Variants in STXBP3 observed in about 807,000 individuals in gnomAD.
The protein encoded by STXBP3 is syntaxin-binding protein 3.
A neutral mutation model predicts 85.7 loss-of-function variants in STXBP3; 41 were observed. The observed-to-expected ratio is 0.48, with a 90% confidence interval of 0.37 to 0.62. The LOEUF is 0.62. Ranked by LOEUF, STXBP3 falls within the 20% of genes least tolerant of loss-of-function variation. The pLI is 0.00. For synonymous variants in STXBP3, 229 were observed against 231.7 expected (o/e 0.99, Z 0.10); for missense variants, 563 against 703.1 (o/e 0.80, Z 2.25).
chr1:108,753,272 G>T, intron 3 of STXBP3, 128 bp downstream of exon 3: 2 of 553,542 alleles, frequency 3.6e-6, no homozygotes, highest in Non-Finnish European at 5.9e-6. Context: ...ATAACTATTA[G>T]ATTTAACATT....
Position 108,782,828 on chromosome 1 carries a change from G to T in STXBP3, c.963+122G>T, listed in dbSNP as rs1417225390. 2.9e-5 allele frequency: 23 copies of T among 786,244 alleles called. No individual in the cohort carries two copies. In the Middle Eastern group the frequency reaches 1.1e-3, roughly 39 times the overall value. 48.7% of individuals were successfully genotyped at this position (786,244 alleles called of 1,614,324 possible). On this transcript the variant is annotated intron_variant, in intron 11 of 18. Transcript: ENST00000370008. ...AAGTTCTAACATGGAGGTAGAGAATGAACTCCTACGTACCCATTGCCTAGT... is the reference window on the plus strand; with the variant it reads ...AAGTTCTAACATGGAGGTAGAGAATTAACTCCTACGTACCCATTGCCTAGT...
In STXBP3 at chr1:108,771,964, CA is replaced by C. The variant is rs1662452747; in HGVS notation, c.439-700del. On this transcript the variant is annotated intron_variant, in intron 6 of 18. Coordinates refer to ENST00000370008, the MANE Select transcript of STXBP3 (RefSeq NM_007269.4). ...ATATAAATACATATGATATCTGTAT[CA>C]TATATAAATACATATGATATCTGTA... Among the ~76,000 whole-genome samples, 2 of 8,988 alleles carry C rather than the reference CA, an allele frequency of 2.2e-4. 1 individual carries two copies. The highest frequency in any genetic ancestry group is 3.4e-4 in the Non-Finnish European group (2 of 5,900). 5.9% of individuals were successfully genotyped at this position (8,988 alleles called of 152,430 possible).
At chr1:108,774,560 C>T (rs74727654) in intron 7 of STXBP3, among the ~76,000 whole-genome samples, 7,309 of 151,716 alleles carry the variant, frequency 0.048, 218 homozygotes, top group Admixed American at 0.07. Context: ...ATTAAGTTAT[C>T]TCCTTAATTC....
At position 108,760,145 on chromosome 1, in the gene STXBP3, T is replaced by C. The variant is rs1662106402; in HGVS notation, c.438+60T>C. The C allele has an allele frequency of 6.3e-6, 6 of 947,414 alleles. No homozygotes were observed. The South Asian group carries it at 9.9e-5, about 16-fold the overall frequency. 58.7% of individuals were successfully genotyped at this position (947,414 alleles called of 1,614,324 possible). A position where few individuals can be genotyped will look rare whatever the true frequency, so the allele number is the denominator to read the frequency against. On this transcript the variant is annotated intron_variant, in intron 6 of 18. Transcript: ENST00000370008. ...GTTTCAAATTTGGTTTTATGGCTTA[T>C]TGTTAATAAAGTATATTCTGAAGAT...
rs1416047376 is a variant in STXBP3 at position 108,776,402 on chromosome 1, T to G, written c.663T>G (p.Ile221Met). Residue 221 changes from isoleucine (I) to methionine (M), a missense_variant, in exon 8 of 19, where the codon ATT becomes ATG. Transcript: ENST00000370008. Reference sequence around the variant, plus strand: ...AAAAGCTTGAAGACTACTACAAGATTGATGAAAAGAGCCTAATAAAGGTAA... The same window carrying G: ...AAAAGCTTGAAGACTACTACAAGATGGATGAAAAGAGCCTAATAAAGGTAA... Reference protein sequence around the residue: ...VEKKLEDYYKIDEKSLIKGKT... With the variant: ...VEKKLEDYYKMDEKSLIKGKT... The G allele has an allele frequency of 1.1e-5, 17 of 1,607,618 alleles. No homozygotes were observed. The highest frequency in any genetic ancestry group is 1.4e-5 in the Non-Finnish European group (17 of 1,176,744).
At chr1:108,752,365 T>C (rs1407085013) in intron 2 of STXBP3, 59 bp downstream of exon 2, 5 of 1,470,850 alleles carry the variant, frequency 3.4e-6, no homozygotes, top group Non-Finnish European at 4.7e-6. Context: ...AACAATACAG[T>C]ATAAAAACTA....
At chr1:108,763,398 G>A (rs114324275) in intron 6 of STXBP3, among the ~76,000 whole-genome samples, 1 of 152,162 alleles carries the variant, frequency 6.6e-6, no homozygotes, top group Non-Finnish European at 1.5e-5. Context: ...AATTCTGTGG[G>A]TGTAAGATGA....
At chr1:108,787,811 A>G (rs1326164288) in intron 11 of STXBP3, among the ~76,000 whole-genome samples, 1 of 151,324 alleles carries the variant, frequency 6.6e-6, no homozygotes, top group Non-Finnish European at 1.5e-5. Flanking sequence ...TTTTTAAGAG[A>G]CAGGGTCTTG....
chr1:108,777,262 C>T (rs982592110), intron 8 of STXBP3, among the ~76,000 whole-genome samples: 19 of 152,086 alleles, frequency 1.2e-4, no homozygotes, highest in Middle Eastern at 3.2e-3. Context: ...GAATATAGTC[C>T]CGGGCTTATC....
chr1:108,752,216 G>C (rs1317997323), intron 1 of STXBP3, 41 bp from the exon 2 acceptor site: 1 of 1,577,314 alleles, frequency 6.3e-7, no homozygotes, highest in Non-Finnish European at 8.6e-7. Context: ...CTATGTTTCT[G>C]TTTATTTAAT....
At chr1:108,802,493 C>A (rs1258642342) in intron 17 of STXBP3, among the ~76,000 whole-genome samples, 3 of 152,142 alleles carry the variant, frequency 2.0e-5, no homozygotes, top group Non-Finnish European at 4.4e-5. Flanking sequence ...TTTGTACTCG[C>A]CTCACTGCCC....
chr1:108,807,554 G>T lies in STXBP3; in HGVS notation c.1684+5G>T, dbSNP rs765702850. The T allele has an allele frequency of 2.2e-5, 35 of 1,563,988 alleles. No individual in the cohort carries two copies. The highest frequency in any genetic ancestry group is 2.9e-5 in the Non-Finnish European group (33 of 1,157,750). On this transcript the variant is annotated splice_donor_5th_base_variant and intron_variant, in intron 18 of 18. Transcript: ENST00000370008. ...AATCCTGTGAAGTTATTATTGGTAAGACTTTCATTTTCTTCTTTTCTGTTT... is the reference window on the plus strand; with the variant it reads ...AATCCTGTGAAGTTATTATTGGTAATACTTTCATTTTCTTCTTTTCTGTTT...
intron 11 of STXBP3, among the ~76,000 whole-genome samples, chr1:108,786,358 C>T (rs780142084): frequency 6.6e-6 from 1 of 152,172 alleles, no homozygotes; most frequent in Non-Finnish European, 1.5e-5. Context: ...ATTCAGTTAT[C>T]TCCACTTGGT....
At chr1:108,802,815 T>C (rs981372961) in intron 17 of STXBP3, among the ~76,000 whole-genome samples, 1 of 152,362 alleles carries the variant, frequency 6.6e-6, no homozygotes, top group East Asian at 1.9e-4. Flanking sequence ...CTCTATCTTA[T>C]GTTTTTAAAC....
chr1:108,808,866 A>G lies in STXBP3; in HGVS notation c.1768A>G (p.Lys590Glu), dbSNP rs1355184333. ...NKPKDKVSLIKDE is the reference protein window; with the variant it reads ...NKPKDKVSLIEDE ...ACCCAAGGATAAAGTCTCCTTAATT[A>G]AAGATGAATAGCATTTCTTTTTGGA... The change falls in exon 19 of 19, where the codon AAA becomes GAA. Residue 590 changes from lysine to glutamate, a missense_variant. Lys to Glu is a moderately conservative substitution (Grantham distance 56, BLOSUM62 1). This residue lies in a region of STXBP3 where 494 missense variants were observed against 592.8 expected (regional missense o/e 0.83). Transcript: ENST00000370008. The G allele has an allele frequency of 4.4e-6, 7 of 1,605,602 alleles. No homozygotes were observed. Among genetic ancestry groups the G allele is most frequent in the Non-Finnish European group, 6.0e-6 (7 of 1,175,148 alleles).
In STXBP3 at chr1:108,798,131, T is replaced by C. The variant is rs762501394; in HGVS notation, c.1357-14T>C. On this transcript the variant is annotated splice_polypyrimidine_tract_variant and intron_variant, in intron 15 of 18. Coordinates refer to ENST00000370008, the MANE Select transcript of STXBP3 (RefSeq NM_007269.4). Reference sequence around the variant, plus strand: ...AATTACTGGTTTTTAATTTTTTTCCTCTAATTGTATTAGTCTCAACAAGGC... The same window carrying C: ...AATTACTGGTTTTTAATTTTTTTCCCCTAATTGTATTAGTCTCAACAAGGC... 1 of 1,579,070 alleles carries C rather than the reference T, an allele frequency of 6.3e-7. No individual in the cohort carries two copies. Among genetic ancestry groups the C allele is most frequent in the East Asian group, 2.3e-5 (1 of 44,300 alleles).
At chr1:108,761,618 G>A (rs573832768) in intron 6 of STXBP3, among the ~76,000 whole-genome samples, 1 of 152,256 alleles carries the variant, frequency 6.6e-6, no homozygotes, top group African/African-American at 2.4e-5. Context: ...GGTCCCATCT[G>A]TGAATGGTTT....
intron 15 of STXBP3, among the ~76,000 whole-genome samples, chr1:108,797,927 T>C (rs1044218443): frequency 2.6e-5 from 4 of 152,172 alleles, no homozygotes; most frequent in Non-Finnish European, 4.4e-5. Context: ...TGTTCTGATA[T>C]GATTATAAAT....
chr1:108,802,397 AAATT>A (rs1290405566), intron 17 of STXBP3, among the ~76,000 whole-genome samples: 13 of 152,148 alleles, frequency 8.5e-5, no homozygotes, highest in African/African-American at 2.9e-4. Flanking sequence ...ACTCCACCTC[AAATT>A]AATTAATTAA....
Sources: gnomAD v4.1 joint callset for allele counts (sites outside exome capture counted in the v4.1 genomes callset) on GRCh38, gnomAD v4.1.1 for gene constraint, gnomAD v4.1.1 regional missense constraint, MANE v1.5 for transcripts, NCBI Gene and HGNC (gene_info 2026-07-23, HGNC 2026-07-21) for gene names.